Variants in ANPEP observed in about 807,000 individuals in gnomAD.
ANPEP encodes the protein alanyl aminopeptidase, membrane.
ANPEP carries 70 observed loss-of-function variants against 114.6 expected under a neutral mutation model. That is an observed-to-expected ratio of 0.61 (90% CI 0.50 to 0.75). The LOEUF is 0.75. Among genes scored for constraint, ANPEP ranks in the 30% least tolerant of loss-of-function variants. The pLI is 0.00. For missense variants in ANPEP, 1,184 were observed against 1,259.5 expected (o/e 0.94, Z 0.91); for synonymous variants, 548 against 522.3 (o/e 1.05, Z -0.67).
intron 20 of ANPEP, among the ~76,000 whole-genome samples, chr15:89,789,775 C>CA (rs57965822): frequency 0.021 from 2,075 of 97,402 alleles, 81 homozygotes; most frequent in East Asian, 0.051. Context: ...GACTCAGTCT[C>CA]AAAAAAAAAA....
chr15:89,791,974 G>C (rs1487677496), intron 18 of ANPEP, among the ~76,000 whole-genome samples, 186 bp downstream of exon 18: 1 of 152,218 alleles, frequency 6.6e-6, no homozygotes, highest in Non-Finnish European at 1.5e-5. Flanking sequence ...ACCCAGACCT[G>C]AGTCCATATC....
intron 1 of ANPEP, among the ~76,000 whole-genome samples, chr15:89,813,996 G>A (rs564738766): frequency 6.9e-6 from 1 of 145,060 alleles, no homozygotes; most frequent in African/African-American, 2.5e-5. Flanking sequence ...ACTGCTGGGG[G>A]GGGGGGGTGC....
Position 89,790,544 on chromosome 15 carries a change from G to T in ANPEP, c.2670-3C>A. 1 of 1,613,374 alleles carries T rather than the reference G, an allele frequency of 6.2e-7. No homozygotes were observed. The highest frequency in any genetic ancestry group is 1.1e-5 in the South Asian group (1 of 91,044). On this transcript the variant is annotated splice_region_variant and splice_polypyrimidine_tract_variant and intron_variant, in intron 19 of 20. Transcript: ENST00000300060. ...AGGAGAACGAGCCACCACCATAACT[G>T]CAGGGAGGGAGAGAGGTGAACTGTG... is the stretch of plus-strand genomic sequence containing the variant.
chr15:89,790,994 G>T lies in ANPEP; in HGVS notation c.2628C>A (p.Val876=), dbSNP rs757296390. ...TCCAGTTGCTCTGGACAAAGTCCCAGACCAGACCTTGCCCAATGACGTTGT... is the reference window on the plus strand; with the variant it reads ...TCCAGTTGCTCTGGACAAAGTCCCATACCAGACCTTGCCCAATGACGTTGT... ...ITNNVIGQGL[V]WDFVQSNWKK... is the part of the protein sequence containing the mutation. Residue 876 remains valine (V), a synonymous_variant, in exon 19 of 21, where the codon GTC becomes GTA. Coordinates refer to ENST00000300060, the MANE Select transcript of ANPEP (RefSeq NM_001150.3). 1.9e-6 allele frequency: 3 copies of T among 1,614,214 alleles called. No individual in the cohort carries two copies. The East Asian group carries it at 6.7e-5, about 36-fold the overall frequency.
chr15:89,785,911 T>C (rs566069427), intron 20 of ANPEP, among the ~76,000 whole-genome samples: 1 of 152,216 alleles, frequency 6.6e-6, no homozygotes, highest in East Asian at 1.9e-4. Context: ...TTATCAGTCC[T>C]GGAGGTTCTA....
intron 15 of ANPEP, among the ~76,000 whole-genome samples, chr15:89,796,638 C>G (rs1194035315): frequency 6.6e-6 from 1 of 151,936 alleles, no homozygotes; most frequent in Non-Finnish European, 1.5e-5. Flanking sequence ...CAGGTGCCCG[C>G]CACCACGCCT....
At chr15:89,798,048 G>C (rs1291641752) in intron 14 of ANPEP, among the ~76,000 whole-genome samples, 2 of 152,212 alleles carry the variant, frequency 1.3e-5, no homozygotes, top group South Asian at 4.1e-4. Context: ...CACACCTCAC[G>C]AGAGACAGAG....
chr15:89,812,483 A>T lies in ANPEP; in HGVS notation c.-224+2289T>A, dbSNP rs142887146. Among the ~76,000 whole-genome samples, 234 of 152,324 alleles carry T rather than the reference A, an allele frequency of 1.5e-3. 1 individual carries two copies. The highest frequency in any genetic ancestry group is 5.3e-3 in the African/African-American group (219 of 41,588). ...AGCCTTGGACATTGCCCCTCCTGCA[A>T]GAACCTCAGAAGGCCCCAATGGGAA... On this transcript the variant is annotated intron_variant, in intron 1 of 20. Coordinates refer to ENST00000300060, the MANE Select transcript of ANPEP (RefSeq NM_001150.3).
At position 89,803,119 on chromosome 15, in the gene ANPEP, C is replaced by A; in HGVS notation, c.1569+120G>T. The A allele has an allele frequency of 1.8e-6, 2 of 1,138,964 alleles. No individual in the cohort carries two copies. The highest frequency in any genetic ancestry group is 1.3e-5 in the South Asian group (1 of 76,156). 70.6% of individuals were successfully genotyped at this position (1,138,964 alleles called of 1,614,324 possible). ...GAGGAGCAACAGAGGCTCCATCCAC[C>A]CTGCAGGGCTGGTCAGCCGCGGAGC... On this transcript the variant is annotated intron_variant, in intron 10 of 20. Transcript: ENST00000300060. This position sits in a 1 kb window ranked among gnomAD's most constrained non-coding sequence, Gnocchi z 4.2.
rs1397496849 is a variant in ANPEP at position 89,803,162 on chromosome 15, G to A, written c.1569+77C>T. 9 of 1,494,178 alleles carry A rather than the reference G, an allele frequency of 6.0e-6. No homozygotes were observed. Among genetic ancestry groups the A allele is most frequent in the Admixed American group, 5.0e-5 (3 of 59,806 alleles). The allele number at this position is 1,494,178 out of a possible 1,614,324, so 92.6% of individuals were successfully genotyped here. On this transcript the variant is annotated intron_variant, in intron 10 of 20. Transcript: ENST00000300060. This position sits in a 1 kb window ranked among gnomAD's most constrained non-coding sequence, Gnocchi z 4.2. ...CGCGGAGCTGGACCCATTCTCTTAC[G>A]CATGTGCTGCCCCCAGGTACCTTCA...
At chr15:89,813,714 C>A (rs754118363) in intron 1 of ANPEP, among the ~76,000 whole-genome samples, 7 of 152,326 alleles carry the variant, frequency 4.6e-5, no homozygotes, top group Non-Finnish European at 8.8e-5. Flanking sequence ...CCCACACGCC[C>A]ACCTCCCCTC....
intron 1 of ANPEP, among the ~76,000 whole-genome samples, 169 bp downstream of exon 1, chr15:89,814,603 C>A (rs1423073292): frequency 6.6e-6 from 1 of 152,228 alleles, no homozygotes; most frequent in Non-Finnish European, 1.5e-5. Flanking sequence ...GAATTCTTCG[C>A]TTTCCCTGGC....
rs1567161397 is a variant in ANPEP, at chr15:89,805,141, G to A, written c.834C>T (p.Tyr278=). 6.2e-7 allele frequency: 1 copy of A among 1,614,258 alleles called. No homozygotes were observed. Among genetic ancestry groups the A allele is most frequent in the Admixed American group, 1.7e-5 (1 of 60,036 alleles). The change falls in exon 4 of 21, where the codon TAC becomes TAT. Residue 278 remains tyrosine, a synonymous_variant. Coordinates refer to ENST00000300060, the MANE Select transcript of ANPEP (RefSeq NM_001150.3). ...ACTCACTGACAATGAAGGCCAGCAAGTACGTGGACATCTTGGGCGTGGTGT... is the reference window on the plus strand; with the variant it reads ...ACTCACTGACAATGAAGGCCAGCAAATACGTGGACATCTTGGGCGTGGTGT... The part of the protein sequence containing the change: ...EFHTTPKMST[Y]LLAFIVSEFD...
chr15:89,801,781 C>T (rs935844388), intron 10 of ANPEP, among the ~76,000 whole-genome samples, 174 bp from the exon 11 acceptor site: 14 of 152,204 alleles, frequency 9.2e-5, no homozygotes, highest in African/African-American at 2.4e-4. Context: ...TGCCTCTCCT[C>T]GGCTGCTCAG....
intron 1 of ANPEP, among the ~76,000 whole-genome samples, chr15:89,810,070 A>G (rs777150986): frequency 9.2e-5 from 14 of 152,028 alleles, no homozygotes; most frequent in Non-Finnish European, 1.8e-4. Context: ...TCCCACCTCT[A>G]TCACAGCACT....
intron 20 of ANPEP, among the ~76,000 whole-genome samples, chr15:89,786,599 G>T (rs932095923): frequency 3.3e-5 from 5 of 151,854 alleles, no homozygotes; most frequent in African/African-American, 1.2e-4. Context: ...AGGTTGAGGT[G>T]GGGGGATCAC....
rs771865791 is a variant in ANPEP at position 89,801,224 on chromosome 15, G to A, written c.1743-37C>T. On this transcript the variant is annotated intron_variant, in intron 11 of 20. Transcript: ENST00000300060. The stretch of plus-strand genomic sequence containing the variant: ...GATCCAGAGGTGGTGAGAGATGGCG[G>A]TGTGGTCACTGCCAGTGAGGAGCAG... 5.0e-6 allele frequency: 8 copies of A among 1,608,320 alleles called. No individual in the cohort carries two copies. The South Asian group carries it at 7.7e-5, about 15-fold the overall frequency.
chr15:89,805,297 TG>T (rs1158486901), intron 3 of ANPEP, 23 bp downstream of exon 3: 1 of 1,612,954 alleles, frequency 6.2e-7, no homozygotes, highest in Non-Finnish European at 8.5e-7. Flanking sequence ...CCTGGCCCTG[TG>T]GCCGCAGGCA....
chr15:89,802,859 G>A (rs1894623834), intron 10 of ANPEP: 1 of 266,424 alleles, frequency 3.8e-6, no homozygotes, highest in East Asian at 9.2e-5. Context: ...AGACATGCCC[G>A]TGGCGCCAGC....
Sources: gnomAD v4.1 joint callset for allele counts (sites outside exome capture counted in the v4.1 genomes callset) on GRCh38, gnomAD v4.1.1 for gene constraint, Gnocchi (gnomAD v3.1) non-coding constraint, MANE v1.5 for transcripts, NCBI Gene and HGNC (gene_info 2026-07-23, HGNC 2026-07-21) for gene names.